The following ADAMTS2 variants were observed in gnomAD, a reference collection of about 807,000 sequenced individuals.
ADAMTS2 encodes ADAM metallopeptidase with thrombospondin type 1 motif 2, also known as A disintegrin and metalloproteinase with thrombospondin motifs 2.
A neutral mutation model predicts 123.0 loss-of-function variants in ADAMTS2; 50 were observed. The ratio of observed to expected loss-of-function variants is 0.41; its 90% CI spans 0.32 to 0.51. The LOEUF is 0.51. Ranked by LOEUF, ADAMTS2 falls within the 20% of genes least tolerant of loss-of-function variation. The pLI is 0.35. For missense variants in ADAMTS2, 1,494 were observed against 1,705.2 expected, an observed-to-expected ratio of 0.88 and a Z score of 2.18; for synonymous variants, 678 against 695.4, an observed-to-expected ratio of 0.98 and a Z score of 0.39.
rs1554099387 is a variant in ADAMTS2, at chr5:179,337,886, T to TCACC, written c.534+5877_534+5880dup. Among the ~76,000 whole-genome samples the TCACC allele has an allele frequency of 1.1e-3, 154 of 141,690 alleles. 4 individuals carry two copies. Among genetic ancestry groups the TCACC allele is most frequent in the East Asian group, 7.0e-3 (31 of 4,452 alleles). 93.0% of individuals were successfully genotyped at this position (141,690 alleles called of 152,430 possible). ...TGCACGAGGGCCTGAATTCACTCAC[T>TCACC]CACCCAGGTGTGGCCCCTATGAGCC... On this transcript the variant is annotated intron_variant, in intron 2 of 21. Coordinates refer to ENST00000251582, the MANE Select transcript of ADAMTS2 (RefSeq NM_014244.5).
intron 10 of ADAMTS2, among the ~76,000 whole-genome samples, chr5:179,142,714 G>C (rs984803822): frequency 6.6e-6 from 1 of 152,212 alleles, no homozygotes; most frequent in Non-Finnish European, 1.5e-5. Flanking sequence ...CAGGGTGACT[G>C]CATATGACCA....
At chr5:179,230,567 C>T (rs113755952) in intron 3 of ADAMTS2, among the ~76,000 whole-genome samples, 229 of 152,356 alleles carry the variant, frequency 1.5e-3, no homozygotes, top group African/African-American at 5.4e-3. Flanking sequence ...GTTACTGTCA[C>T]CTTGGGTCTC....
intron 10 of ADAMTS2, among the ~76,000 whole-genome samples, chr5:179,151,547 CT>C (rs1303275966): frequency 2.6e-5 from 4 of 152,304 alleles, no homozygotes; most frequent in Admixed American, 2.0e-4. Context: ...CTTAGCTCAT[CT>C]GCATATGCCA....
intron 3 of ADAMTS2, among the ~76,000 whole-genome samples, chr5:179,221,221 G>A (rs1765118121): frequency 6.6e-6 from 1 of 152,134 alleles, no homozygotes; most frequent in Non-Finnish European, 1.5e-5. Context: ...GGTGGAGTGG[G>A]CACGGGACCT....
chr5:179,156,813 C>T (rs1763480532), intron 6 of ADAMTS2, among the ~76,000 whole-genome samples: 1 of 152,138 alleles, frequency 6.6e-6, no homozygotes, highest in Non-Finnish European at 1.5e-5. Context: ...TTTCTTGTCT[C>T]TAAATTATCT....
chr5:179,154,663 C>T (rs937558978), intron 7 of ADAMTS2, 151 bp downstream of exon 7: 15 of 677,216 alleles, frequency 2.2e-5, no homozygotes, highest in Non-Finnish European at 3.6e-5. Context: ...CTCGGGCCAG[C>T]ACTGCCCAGC....
intron 2 of ADAMTS2, among the ~76,000 whole-genome samples, chr5:179,297,027 G>C (rs1175268958): frequency 6.6e-6 from 1 of 152,136 alleles, no homozygotes; most frequent in Non-Finnish European, 1.5e-5. Flanking sequence ...TAAATGACTG[G>C]AAACTCCTGT....
intron 5 of ADAMTS2, among the ~76,000 whole-genome samples, chr5:179,161,833 T>G (rs1763597935): frequency 6.6e-6 from 1 of 152,136 alleles, no homozygotes; most frequent in Non-Finnish European, 1.5e-5. Flanking sequence ...CAATTAAAAA[T>G]AACAGTAAGA....
At chr5:179,224,262 T>C (rs1469049004) in intron 3 of ADAMTS2, among the ~76,000 whole-genome samples, 3 of 152,186 alleles carry the variant, frequency 2.0e-5, no homozygotes, top group Non-Finnish European at 4.4e-5. Flanking sequence ...TCTTGGGAGC[T>C]GTCGCCATGG....
chr5:179,212,244 C>G (rs1764872424), intron 3 of ADAMTS2, among the ~76,000 whole-genome samples: 1 of 140,406 alleles, frequency 7.1e-6, no homozygotes, highest in Admixed American at 7.0e-5. Context: ...CAGGCACGGG[C>G]TCTGTGGGCA....
chr5:179,261,840 T>G (rs1766232268), intron 3 of ADAMTS2, among the ~76,000 whole-genome samples: 1 of 152,114 alleles, frequency 6.6e-6, no homozygotes, highest in African/African-American at 2.4e-5. Context: ...AAGGGGAAGC[T>G]GGACCGGTCC....
intron 3 of ADAMTS2, among the ~76,000 whole-genome samples, chr5:179,213,452 A>G (rs1003261089): frequency 6.6e-6 from 1 of 152,186 alleles, no homozygotes; most frequent in Admixed American, 6.5e-5. Flanking sequence ...AGTGCCCCAC[A>G]GGTAACCGCA....
At chr5:179,321,583 G>A (rs962076304) in intron 2 of ADAMTS2, among the ~76,000 whole-genome samples, 4 of 152,126 alleles carry the variant, frequency 2.6e-5, no homozygotes, top group African/African-American at 9.7e-5. Flanking sequence ...ATGGTGGGGG[G>A]CCAAGGAGCA....
rs1050329618 is a variant in ADAMTS2, at chr5:179,202,836, G to A, written c.891+4677C>T. ...TTCCGTGGCAGGGGAGACAGAGATGGAGGGGACTCCAAGCTCTTACCAGCC... is the reference window on the plus strand; with the variant it reads ...TTCCGTGGCAGGGGAGACAGAGATGAAGGGGACTCCAAGCTCTTACCAGCC... On this transcript the variant is annotated intron_variant, in intron 4 of 21. Coordinates refer to ENST00000251582, the MANE Select transcript of ADAMTS2 (RefSeq NM_014244.5). This position sits in a 1 kb window ranked among gnomAD's most constrained non-coding sequence, Gnocchi z 4.0. Among the ~76,000 whole-genome samples, 1 of 152,186 alleles carries A rather than the reference G, an allele frequency of 6.6e-6. No homozygotes were observed. Among genetic ancestry groups the A allele is most frequent in the Admixed American group, 6.5e-5 (1 of 15,284 alleles).
intron 2 of ADAMTS2, among the ~76,000 whole-genome samples, chr5:179,309,628 C>T (rs115777327): frequency 0.039 from 5,970 of 152,064 alleles, 387 homozygotes; most frequent in African/African-American, 0.14. Context: ...CATGGTGGCA[C>T]GCACCGGTAA....
chr5:179,183,733 A>T (rs1764101646), intron 4 of ADAMTS2, among the ~76,000 whole-genome samples: 1 of 152,208 alleles, frequency 6.6e-6, no homozygotes, highest in Non-Finnish European at 1.5e-5. Flanking sequence ...CCTACAGGAG[A>T]GGAGGGCAGG....
chr5:179,311,618 G>C (rs1440473073), intron 2 of ADAMTS2, among the ~76,000 whole-genome samples: 1 of 152,114 alleles, frequency 6.6e-6, no homozygotes, highest in African/African-American at 2.4e-5. Context: ...CTTGATATCT[G>C]GTCAGGCTCG....
Position 179,343,937 on chromosome 5 carries a change from G to T in ADAMTS2, c.364C>A (p.Leu122Met). 1 of 1,610,624 alleles carries T rather than the reference G, an allele frequency of 6.2e-7. No individual in the cohort carries two copies. The change falls in exon 2 of 22, where the codon CTG becomes ATG. Residue 122 changes from leucine (L) to methionine (M), a missense_variant. By Grantham distance (15) the Leu-to-Met change is conservative. Around this residue, in one of 6 missense-constraint regions of ADAMTS2, gnomAD observed 237 missense variants for 233.7 expected, o/e 1.01. Transcript: ENST00000251582. ...AGGCGGGCGTTGGGCCGCAGCCGCA[G>T]GTGCAGGTCTCGGCCAAAGACCGTG... ...NVTVFGRDLH[L>M]RLRPNARLVA...
chr5:179,176,864 G>A (rs552279241), intron 5 of ADAMTS2, among the ~76,000 whole-genome samples: 2 of 152,152 alleles, frequency 1.3e-5, no homozygotes, highest in African/African-American at 2.4e-5. Context: ...CCCTGTGCTC[G>A]TCCCTCTGGG....
Sources: gnomAD v4.1 joint callset for allele counts (sites outside exome capture counted in the v4.1 genomes callset) on GRCh38, gnomAD v4.1.1 for gene constraint, gnomAD v4.1.1 regional missense constraint, Gnocchi (gnomAD v3.1) non-coding constraint, MANE v1.5 for transcripts, NCBI Gene and HGNC (gene_info 2026-07-23, HGNC 2026-07-21) for gene names.